Variants in PLCB1 observed in about 807,000 individuals in gnomAD.
PLCB1 encodes the protein 1-phosphatidylinositol 4,5-bisphosphate phosphodiesterase beta-1.
Under a neutral mutation model 161.8 loss-of-function variants are expected in PLCB1, and 46 were observed. That is an observed-to-expected ratio of 0.28 (90% CI 0.22 to 0.36). PLCB1 has a LOEUF of 0.36. PLCB1 is among the 10% of genes least tolerant of loss of function. The pLI is 1.00. For missense variants in PLCB1, 1,016 were observed against 1,472.5 expected, an observed-to-expected ratio of 0.69 and a Z score of 5.07; for synonymous variants, 517 against 503.7, an observed-to-expected ratio of 1.03 and a Z score of -0.35.
intron 27 of PLCB1, among the ~76,000 whole-genome samples, chr20:8,788,158 G>A (rs1983579223): frequency 6.6e-6 from 1 of 152,186 alleles, no homozygotes; most frequent in Non-Finnish European, 1.5e-5. Flanking sequence ...GTTCTACACT[G>A]TAAGTTGTCT....
intron 2 of PLCB1, among the ~76,000 whole-genome samples, chr20:8,361,486 A>G (rs1273882023): frequency 2.6e-5 from 4 of 152,024 alleles, no homozygotes; most frequent in Non-Finnish European, 4.4e-5. Context: ...TTGTCGGGCC[A>G]CCCCAGAGTT....
At chr20:8,482,197 G>A (rs781088053) in intron 3 of PLCB1, among the ~76,000 whole-genome samples, 32 of 144,632 alleles carry the variant, frequency 2.2e-4, no homozygotes, top group Non-Finnish European at 1.8e-4. Context: ...TCTGCCTCTC[G>A]GGTTCAAGCC....
chr20:8,477,686 A>C (rs1982338829), intron 3 of PLCB1, among the ~76,000 whole-genome samples: 1 of 152,164 alleles, frequency 6.6e-6, no homozygotes, highest in African/African-American at 2.4e-5. Flanking sequence ...GTCACATAGC[A>C]AGAGAGGAAG....
intron 9 of PLCB1, among the ~76,000 whole-genome samples, chr20:8,666,660 C>T (rs987063356): frequency 6.6e-6 from 1 of 152,206 alleles, no homozygotes; most frequent in Non-Finnish European, 1.5e-5. Context: ...CAGACATCCA[C>T]CTAGGCACTC....
At chr20:8,545,303 G>A (rs1366879203) in intron 3 of PLCB1, among the ~76,000 whole-genome samples, 4 of 152,196 alleles carry the variant, frequency 2.6e-5, no homozygotes, top group East Asian at 1.9e-4. Context: ...GGGCACTAGT[G>A]TGATATGGAA....
intron 2 of PLCB1, among the ~76,000 whole-genome samples, chr20:8,234,267 A>T (rs1343178681): frequency 6.6e-6 from 1 of 152,130 alleles, no homozygotes; most frequent in Non-Finnish European, 1.5e-5. Flanking sequence ...AGTTTTGAGG[A>T]GCATGCAGGA....
At chr20:8,775,443 G>A (rs763023754) in intron 27 of PLCB1, among the ~76,000 whole-genome samples, 1 of 152,212 alleles carries the variant, frequency 6.6e-6, no homozygotes, top group Non-Finnish European at 1.5e-5. Flanking sequence ...AATTAAGGTA[G>A]TGTATCCAGA....
intron 31 of PLCB1, among the ~76,000 whole-genome samples, chr20:8,880,672 T>C (rs1298547312): frequency 2.0e-5 from 3 of 152,226 alleles, no homozygotes; most frequent in Non-Finnish European, 4.4e-5. Context: ...CAAAGTCCAC[T>C]CCACACTGCT....
intron 3 of PLCB1, among the ~76,000 whole-genome samples, chr20:8,380,754 T>C (rs1987229920): frequency 6.6e-6 from 1 of 152,158 alleles, no homozygotes; most frequent in Non-Finnish European, 1.5e-5. Context: ...TTGTCTATTG[T>C]TGGTGTAAAG....
At chr20:8,181,875 C>T (rs55635300) in intron 2 of PLCB1, among the ~76,000 whole-genome samples, 5,193 of 152,102 alleles carry the variant, frequency 0.034, 113 homozygotes, top group Non-Finnish European at 0.05. Flanking sequence ...GTTGGTGAGG[C>T]AGAGGATCAC....
At chr20:8,712,916 G>T (rs1183077806) in intron 12 of PLCB1, among the ~76,000 whole-genome samples, 2 of 152,098 alleles carry the variant, frequency 1.3e-5, no homozygotes, top group Non-Finnish European at 2.9e-5. Context: ...TGATATTGAT[G>T]CTCTAAACAC....
intron 3 of PLCB1, among the ~76,000 whole-genome samples, chr20:8,595,224 A>G (rs1335428668): frequency 7.0e-6 from 1 of 141,862 alleles, no homozygotes; most frequent in Non-Finnish European, 1.5e-5. Context: ...AGCATTAGGT[A>G]TATCTCCCAG....
chr20:8,879,137 T>G (rs1987883954), intron 31 of PLCB1, among the ~76,000 whole-genome samples: 1 of 152,182 alleles, frequency 6.6e-6, no homozygotes, highest in South Asian at 2.1e-4. Context: ...AAGGACATGA[T>G]TTCATACTTT....
At chr20:8,320,830 A>AGAGGGAGG (rs145879094) in intron 2 of PLCB1, among the ~76,000 whole-genome samples, 1 of 131,320 alleles carries the variant, frequency 7.6e-6, no homozygotes, top group Non-Finnish European at 1.6e-5. Context: ...AGGGAGGGAG[A>AGAGGGAGG]GAGGGAGGGA....
chr20:8,250,740 G>A (rs1981097204), intron 2 of PLCB1, among the ~76,000 whole-genome samples: 2 of 151,940 alleles, frequency 1.3e-5, no homozygotes, highest in Admixed American at 1.3e-4. Flanking sequence ...TGGCTGCCAG[G>A]TCAGGGGGCA....
intron 2 of PLCB1, among the ~76,000 whole-genome samples, chr20:8,265,410 G>A (rs1981908608): frequency 6.6e-6 from 1 of 152,152 alleles, no homozygotes; most frequent in Non-Finnish European, 1.5e-5. Context: ...GGGTGGGGGA[G>A]GCATTTACTA....
chr20:8,875,210 A>G (rs914283156), intron 31 of PLCB1, among the ~76,000 whole-genome samples: 5 of 150,904 alleles, frequency 3.3e-5, no homozygotes, highest in Admixed American at 1.3e-4. Flanking sequence ...CTAGATAAAG[A>G]TATCTATATT....
intron 2 of PLCB1, among the ~76,000 whole-genome samples, chr20:8,299,882 A>T (rs1287324589): frequency 6.6e-6 from 1 of 152,192 alleles, no homozygotes; most frequent in Non-Finnish European, 1.5e-5. Context: ...CTCTTGCTTA[A>T]CTTGGCTCAC....
At chr20:8,675,092 G>A (rs777855027) in intron 9 of PLCB1, among the ~76,000 whole-genome samples, 1 of 152,012 alleles carries the variant, frequency 6.6e-6, no homozygotes, top group South Asian at 2.1e-4. Flanking sequence ...ATTTCCTGGC[G>A]ATTGAATCAA....
Sources: allele counts gnomAD v4.1 joint callset (sites outside exome capture counted in the v4.1 genomes callset), GRCh38; gene constraint gnomAD v4.1.1; transcripts MANE v1.5; gene names NCBI Gene and HGNC (gene_info 2026-07-23, HGNC 2026-07-21).